Variants in ERBB4 observed in about 807,000 individuals in gnomAD.
ERBB4 encodes the protein receptor tyrosine-protein kinase erbB-4.
ERBB4 carries 42 observed loss-of-function variants against 158.0 expected under a neutral mutation model. The ratio of observed to expected loss-of-function variants is 0.27; its 90% CI spans 0.21 to 0.34. ERBB4 has a LOEUF of 0.34. Among genes scored for constraint, ERBB4 ranks in the 10% least tolerant of loss-of-function variants. The probability of loss-of-function intolerance (pLI) is 1.00; values close to 1 mark genes in which losing one functional copy is unlikely to be tolerated. For missense variants in ERBB4, 1,333 were observed against 1,624.1 expected, an observed-to-expected ratio of 0.82 and a Z score of 3.08; for synonymous variants, 583 against 558.7, an observed-to-expected ratio of 1.04 and a Z score of -0.61.
chr2:211,774,914 A>T (rs1054041128), intron 4 of ERBB4, among the ~76,000 whole-genome samples: 3 of 152,188 alleles, frequency 2.0e-5, no homozygotes, highest in Non-Finnish European at 2.9e-5. Flanking sequence ...TAAGTAATAG[A>T]TTAGTCCAAT....
chr2:212,424,565 G>T (rs1182723808), intron 1 of ERBB4, among the ~76,000 whole-genome samples: 1 of 152,092 alleles, frequency 6.6e-6, no homozygotes, highest in Non-Finnish European at 1.5e-5. Flanking sequence ...TTACAGACAA[G>T]TAGTACATAG....
At chr2:212,042,553 A>G (rs1431588313) in intron 2 of ERBB4, among the ~76,000 whole-genome samples, 1 of 151,988 alleles carries the variant, frequency 6.6e-6, no homozygotes, top group African/African-American at 2.4e-5. Flanking sequence ...GTTTTTCTTT[A>G]TGCTACATAT....
intron 3 of ERBB4, among the ~76,000 whole-genome samples, chr2:211,889,099 C>A (rs1201155327): frequency 7.0e-6 from 1 of 142,264 alleles, no homozygotes; most frequent in African/African-American, 2.9e-5. Context: ...GGGGGCAGGG[C>A]ACAGACAAAC....
chr2:212,444,501 G>A (rs1415141676), intron 1 of ERBB4, among the ~76,000 whole-genome samples: 1 of 152,294 alleles, frequency 6.6e-6, no homozygotes, highest in Admixed American at 6.5e-5. Flanking sequence ...CTCACTGAGT[G>A]GTCAAAAACT....
intron 3 of ERBB4, among the ~76,000 whole-genome samples, chr2:211,914,693 T>C (rs2079638430): frequency 6.6e-6 from 1 of 152,058 alleles, no homozygotes; most frequent in Non-Finnish European, 1.5e-5. Flanking sequence ...ATAATCAAAA[T>C]TGCACATAAA....
chr2:211,591,475 T>A (rs2068461236), intron 19 of ERBB4, among the ~76,000 whole-genome samples: 1 of 152,248 alleles, frequency 6.6e-6, no homozygotes, highest in African/African-American at 2.4e-5. Context: ...CATGGAATGT[T>A]GCCCTTCTCT....
chr2:211,430,315 T>C (rs1314071456), intron 21 of ERBB4, among the ~76,000 whole-genome samples: 5 of 152,108 alleles, frequency 3.3e-5, no homozygotes, highest in Admixed American at 3.3e-4. Flanking sequence ...ATATGAAGTC[T>C]AGTCCTAATA....
chr2:212,443,320 A>G (rs956716811), intron 1 of ERBB4, among the ~76,000 whole-genome samples: 1 of 152,242 alleles, frequency 6.6e-6, no homozygotes, highest in South Asian at 2.1e-4. Context: ...AAAATAGCAA[A>G]CACACTGAAC....
At chr2:212,370,706 T>C (rs1317996136) in intron 1 of ERBB4, among the ~76,000 whole-genome samples, 1 of 152,172 alleles carries the variant, frequency 6.6e-6, no homozygotes, top group Non-Finnish European at 1.5e-5. Context: ...TATTTTATTG[T>C]TCAGAATCTT....
intron 1 of ERBB4, among the ~76,000 whole-genome samples, chr2:212,392,227 A>G (rs2106440368): frequency 6.6e-6 from 1 of 152,118 alleles, no homozygotes; most frequent in Non-Finnish European, 1.5e-5. Context: ...GTCCCTTCAG[A>G]GAAATCTAAG....
At chr2:212,047,814 T>C (rs183305265) in intron 2 of ERBB4, among the ~76,000 whole-genome samples, 2 of 152,236 alleles carry the variant, frequency 1.3e-5, no homozygotes, top group Admixed American at 6.5e-5. Flanking sequence ...CAAATATTTA[T>C]AGAATGCTTG....
chr2:211,856,553 T>C (rs78496897), intron 3 of ERBB4, among the ~76,000 whole-genome samples: 1 of 93,362 alleles, frequency 1.1e-5, no homozygotes, highest in Non-Finnish European at 2.4e-5. Flanking sequence ...GCCCGGCTAA[T>C]TTTTTTTTTA....
At chr2:212,395,660 A>G (rs2091004240) in intron 1 of ERBB4, among the ~76,000 whole-genome samples, 1 of 122,652 alleles carries the variant, frequency 8.2e-6, no homozygotes, top group South Asian at 2.5e-4. Flanking sequence ...TCGCTCTGTC[A>G]CCAATCTGGA....
intron 2 of ERBB4, among the ~76,000 whole-genome samples, chr2:211,974,838 T>C (rs570683621): frequency 1.6e-4 from 24 of 152,368 alleles, no homozygotes; most frequent in Non-Finnish European, 2.9e-4. Context: ...CTAAATAATA[T>C]TTTAATCATG....
rs2125847666 is a variant in ERBB4 at position 211,619,279 on chromosome 2, T to A, written c.2203-4A>T. 1 of 1,570,056 alleles carries A rather than the reference T, an allele frequency of 6.4e-7. No individual in the cohort carries two copies. Among genetic ancestry groups the A allele is most frequent in the Non-Finnish European group, 8.8e-7 (1 of 1,140,414 alleles). ...CTCCTTCAGGTACCCAAATACCCTT[T>A]GGGGAAAAAAATTTACATTAAATAT... On this transcript the variant is annotated splice_region_variant and splice_polypyrimidine_tract_variant and intron_variant, in intron 18 of 27. Transcript: ENST00000342788.
At chr2:211,965,183 G>A (rs1385096015) in intron 2 of ERBB4, among the ~76,000 whole-genome samples, 1 of 152,182 alleles carries the variant, frequency 6.6e-6, no homozygotes, top group Non-Finnish European at 1.5e-5. Flanking sequence ...GCATGTGAAA[G>A]AGCTTTGTGC....
chr2:212,062,042 T>C (rs185907243), intron 2 of ERBB4, among the ~76,000 whole-genome samples: 4 of 152,294 alleles, frequency 2.6e-5, no homozygotes, highest in East Asian at 3.9e-4. Flanking sequence ...GCCTAGATTG[T>C]TTCTTTTATA....
intron 2 of ERBB4, among the ~76,000 whole-genome samples, chr2:212,057,809 A>G (rs1221778498): frequency 6.6e-6 from 1 of 152,234 alleles, no homozygotes; most frequent in Non-Finnish European, 1.5e-5. Flanking sequence ...ATAGCACTAA[A>G]TGCCCACAAG....
intron 22 of ERBB4, among the ~76,000 whole-genome samples, chr2:211,425,073 T>C (rs1163727670): frequency 6.6e-6 from 1 of 152,166 alleles, no homozygotes; most frequent in Non-Finnish European, 1.5e-5. Flanking sequence ...CAATAATATA[T>C]ACACTAAATA....
Sources: gnomAD v4.1 joint callset for allele counts (sites outside exome capture counted in the v4.1 genomes callset) on GRCh38, gnomAD v4.1.1 for gene constraint, MANE v1.5 for transcripts, NCBI Gene and HGNC (gene_info 2026-07-23, HGNC 2026-07-21) for gene names.